Variants in WDSUB1 observed in about 807,000 individuals in gnomAD.
WDSUB1 encodes WD repeat, sterile alpha motif and U-box domain containing 1, also known as WD repeat, SAM and U-box domain-containing protein 1.
A neutral mutation model predicts 53.9 loss-of-function variants in WDSUB1; 49 were observed. The ratio of observed to expected loss-of-function variants is 0.91; its 90% CI spans 0.72 to 1.15. The LOEUF is 1.15. Among genes scored for constraint, WDSUB1 ranks in the 50% most tolerant of loss-of-function variants. The pLI is 0.00. For synonymous variants in WDSUB1, 194 were observed against 200.6 expected (o/e 0.97, Z 0.28); for missense variants, 514 against 562.0 (o/e 0.91, Z 0.86).
chr2:159,280,041 A>C, intron 2 of WDSUB1, 96 bp from the exon 3 acceptor site: 1 of 1,138,856 alleles, frequency 8.8e-7, no homozygotes, highest in South Asian at 1.9e-5. Context: ...AAAGAGAATA[A>C]ATGGCTATCA....
chr2:159,279,869 A>G lies in WDSUB1; in HGVS notation c.475T>C (p.Ser159Pro). 1 of 1,612,908 alleles carries G rather than the reference A, an allele frequency of 6.2e-7. No individual in the cohort carries two copies. The highest frequency in any genetic ancestry group is 8.5e-7 in the Non-Finnish European group (1 of 1,179,120). The change falls in exon 3 of 11, where the codon TCA becomes CCA. Residue 159 changes from serine to proline, a missense_variant. Transcript: ENST00000359774. ...TCCCACACTGTTAAATCACCACATGAGGAGCCAGTGACAAAGAAGCTTCCA... is the reference window on the plus strand; with the variant it reads ...TCCCACACTGTTAAATCACCACATGGGGAGCCAGTGACAAAGAAGCTTCCA... ...PNGSFFVTGS[S>P]CGDLTVWDDK...
intron 5 of WDSUB1, among the ~76,000 whole-genome samples, chr2:159,269,485 G>A (rs1344057702): frequency 6.6e-6 from 1 of 151,930 alleles, no homozygotes; most frequent in African/African-American, 2.4e-5. Flanking sequence ...ATCATTCCAA[G>A]GATTTAAGAA....
At chr2:159,276,339 C>T (rs1344201146) in intron 3 of WDSUB1, among the ~76,000 whole-genome samples, 1 of 152,156 alleles carries the variant, frequency 6.6e-6, no homozygotes, top group Non-Finnish European at 1.5e-5. Flanking sequence ...GGATTACAGG[C>T]GTGAGCCACT....
At chr2:159,281,988 G>C (rs575211001) in intron 2 of WDSUB1, among the ~76,000 whole-genome samples, 1 of 151,548 alleles carries the variant, frequency 6.6e-6, no homozygotes, top group East Asian at 1.9e-4. Context: ...AAAAAAGAAA[G>C]AAAACACTTA....
chr2:159,254,991 G>A (rs546138130), intron 9 of WDSUB1, among the ~76,000 whole-genome samples: 96 of 152,202 alleles, frequency 6.3e-4, no homozygotes, highest in African/African-American at 2.1e-3. Flanking sequence ...TAAGCTGGGC[G>A]TGGTAGCATG....
rs1176618721 is a variant in WDSUB1 at position 159,285,826 on chromosome 2, C to T, written c.-25+757G>A. The stretch of plus-strand genomic sequence containing the variant: ...ACTCCAATAAAGCCTAAAAACCAAA[C>T]ACGAAAATTTCTGGTAGACTATCCC... On this transcript the variant is annotated intron_variant, in intron 1 of 10. Coordinates refer to ENST00000359774, the MANE Select transcript of WDSUB1 (RefSeq NM_001128212.3). Among the ~76,000 whole-genome samples the T allele has an allele frequency of 3.3e-5, 5 of 152,196 alleles. No homozygotes were observed. In the East Asian group the frequency reaches 9.6e-4, roughly 29 times the overall value.
Position 159,256,418 on chromosome 2 carries a change from T to A in WDSUB1, c.953-43A>T, listed in dbSNP as rs377394675. ...AGTAAGTGAGATAACAAAAAAGTAT[T>A]TCCTTTATAAACATTCTCACTTTGA... On this transcript the variant is annotated intron_variant, in intron 8 of 10. Transcript: ENST00000359774. The A allele has an allele frequency of 4.5e-6, 7 of 1,554,508 alleles. No individual in the cohort carries two copies. The African/African-American group carries it at 9.7e-5, about 22-fold the overall frequency.
chr2:159,236,217 C>T (rs2060476965), intron 10 of WDSUB1, 27 bp from the exon 11 acceptor site: 1 of 1,586,456 alleles, frequency 6.3e-7, no homozygotes, highest in African/African-American at 1.4e-5. Flanking sequence ...ACACAAATTA[C>T]ATGATGTAGG....
Position 159,247,922 on chromosome 2 carries a change from TATATAAATATATATATATATAA to T in WDSUB1, c.1273+428_1273+449del, listed in dbSNP as rs1559532226. Among the ~76,000 whole-genome samples the T allele has an allele frequency of 1.4e-3, 103 of 75,004 alleles. 2 individuals carry two copies. Among genetic ancestry groups the T allele is most frequent in the African/African-American group, 7.6e-3 (94 of 12,328 alleles). 49.2% of individuals were successfully genotyped at this position (75,004 alleles called of 152,430 possible). A position where few individuals can be genotyped will look rare whatever the true frequency, so the allele number is the denominator to read the frequency against. On this transcript the variant is annotated intron_variant, in intron 10 of 10. Coordinates refer to ENST00000359774, the MANE Select transcript of WDSUB1 (RefSeq NM_001128212.3). ...ATATATATATATAAATATATATATA[TATATAAATATATATATATATAA>T]AATTTGGATTCACTGATTACAACTA...
chr2:159,262,271 A>G (rs1558857232), intron 5 of WDSUB1, among the ~76,000 whole-genome samples: 1 of 152,080 alleles, frequency 6.6e-6, no homozygotes, highest in Non-Finnish European at 1.5e-5. Flanking sequence ...TGGATTGGGA[A>G]GACAGAAATC....
intron 9 of WDSUB1, among the ~76,000 whole-genome samples, chr2:159,250,223 AC>A (rs2151073708): frequency 1.3e-5 from 2 of 152,234 alleles, no homozygotes; most frequent in East Asian, 3.9e-4. Flanking sequence ...GTGGCAAGTT[AC>A]CCTAGCAGCT....
rs1419622405 is a variant in WDSUB1, at chr2:159,284,405, T to C, written c.-24-1312A>G. Among the ~76,000 whole-genome samples the C allele has an allele frequency of 2.6e-5, 4 of 152,216 alleles. No individual in the cohort carries two copies. The East Asian group carries it at 7.7e-4, about 29-fold the overall frequency. On this transcript the variant is annotated intron_variant, in intron 1 of 10. Transcript: ENST00000359774. ...TCAACTCAAAAAGTATTTTCTATTC[T>C]AATAAACTATCTTAGCTGTTCCCTT...
chr2:159,259,680 T>G, intron 6 of WDSUB1, 130 bp downstream of exon 6: 8 of 1,026,198 alleles, frequency 7.8e-6, no homozygotes, highest in Non-Finnish European at 9.7e-6. Context: ...TTAGCATTTG[T>G]GAAAATATTT....
At position 159,283,141 on chromosome 2, in the gene WDSUB1, C is replaced by T. The variant is rs2061709954; in HGVS notation, c.-24-48G>A. 13 of 1,491,998 alleles carry T rather than the reference C, an allele frequency of 8.7e-6. No individual in the cohort carries two copies. In the East Asian group the frequency reaches 2.3e-4, roughly 26 times the overall value. The allele number at this position is 1,491,998 out of a possible 1,614,324, so 92.4% of individuals were successfully genotyped here. A position where few individuals can be genotyped will look rare whatever the true frequency, so the allele number is the denominator to read the frequency against. On this transcript the variant is annotated intron_variant, in intron 1 of 10. Coordinates refer to ENST00000359774, the MANE Select transcript of WDSUB1 (RefSeq NM_001128212.3). ...GATTATTTATTCTAGGAATCAGATA[C>T]ATGCAATTTGAGTCTATATAAAAGG...
chr2:159,246,906 T>G (rs1420005813), intron 10 of WDSUB1, among the ~76,000 whole-genome samples: 7 of 152,204 alleles, frequency 4.6e-5, no homozygotes, highest in Admixed American at 1.3e-4. Flanking sequence ...AAATGTTGGA[T>G]TGGTATCTGC....
intron 10 of WDSUB1, among the ~76,000 whole-genome samples, chr2:159,243,728 C>T (rs1055729693): frequency 2.6e-5 from 4 of 152,136 alleles, no homozygotes; most frequent in African/African-American, 4.8e-5. Flanking sequence ...TTTAACCACT[C>T]TGGAATGCTA....
chr2:159,267,048 C>T (rs1043471345), intron 5 of WDSUB1, among the ~76,000 whole-genome samples: 14 of 152,018 alleles, frequency 9.2e-5, no homozygotes, highest in Non-Finnish European at 1.8e-4. Context: ...GGTGGGATTA[C>T]AGGCATGAGC....
intron 10 of WDSUB1, among the ~76,000 whole-genome samples, chr2:159,246,975 GA>G (rs754055543): frequency 6.6e-6 from 1 of 152,090 alleles, no homozygotes; most frequent in East Asian, 1.9e-4. Context: ...TTTTTTTGTA[GA>G]AAAAAAGCAC....
chr2:159,247,792 T>C (rs1226888602), intron 10 of WDSUB1, among the ~76,000 whole-genome samples: 4 of 147,900 alleles, frequency 2.7e-5, no homozygotes, highest in Non-Finnish European at 3.0e-5. Flanking sequence ...CACAATGGGA[T>C]AAAGCTATTC....
Sources: allele counts gnomAD v4.1 joint callset (sites outside exome capture counted in the v4.1 genomes callset), GRCh38; gene constraint gnomAD v4.1.1; transcripts MANE v1.5; gene names NCBI Gene and HGNC (gene_info 2026-07-23, HGNC 2026-07-21).